Variants in ABCC1 observed in about 807,000 individuals in gnomAD.
ABCC1 encodes ATP binding cassette subfamily C member 1 (ABCC1 blood group).
In ABCC1, 83 loss-of-function variants were observed where a neutral mutation model predicts 172.9. The ratio of observed to expected loss-of-function variants is 0.48; its 90% CI spans 0.40 to 0.58. The LOEUF (loss-of-function observed/expected upper bound fraction) is 0.58. ABCC1 is among the 20% of genes least tolerant of loss of function. ABCC1 has a pLI of 0.00. For synonymous variants in ABCC1, 937 were observed against 825.2 expected (o/e 1.14, Z -2.32); for missense variants, 1,817 against 2,002.7 (o/e 0.91, Z 1.77).
chr16:15,961,903 T>A (rs893335247), intron 1 of ABCC1, among the ~76,000 whole-genome samples: 1 of 152,160 alleles, frequency 6.6e-6, no homozygotes. Context: ...TGATAAGCAG[T>A]GCTGCACTGA....
At chr16:15,988,130 C>A (rs889782196) in intron 1 of ABCC1, among the ~76,000 whole-genome samples, 14 of 152,090 alleles carry the variant, frequency 9.2e-5, no homozygotes, top group Non-Finnish European at 2.9e-5. Flanking sequence ...GTTGGCCAGG[C>A]TGGTCTTGAA....
intron 1 of ABCC1, among the ~76,000 whole-genome samples, chr16:15,967,666 C>T (rs551051354): frequency 8.0e-5 from 12 of 149,238 alleles, no homozygotes; most frequent in East Asian, 8.0e-4. Flanking sequence ...GAGGCTGAGG[C>T]GGGAGGTTTG....
chr16:15,988,426 G>C (rs1471680994), intron 1 of ABCC1, among the ~76,000 whole-genome samples: 1 of 152,122 alleles, frequency 6.6e-6, no homozygotes, highest in Non-Finnish European at 1.5e-5. Context: ...GATGAATGCT[G>C]TCTGTCCTGT....
At chr16:16,067,355 C>T (rs374737599) in intron 12 of ABCC1, among the ~76,000 whole-genome samples, 2 of 152,278 alleles carry the variant, frequency 1.3e-5, no homozygotes, top group South Asian at 2.1e-4. Context: ...TCTGGCTTCC[C>T]GTGGGACCGG....
At chr16:15,950,715 A>G (rs2045851285) in intron 1 of ABCC1, among the ~76,000 whole-genome samples, 1 of 152,006 alleles carries the variant, frequency 6.6e-6, no homozygotes, top group South Asian at 2.1e-4. Context: ...TGCTGTCTTG[A>G]TTGTTGGTGA....
chr16:16,056,618 A>C, intron 12 of ABCC1: 1 of 390,932 alleles, frequency 2.6e-6, no homozygotes, highest in South Asian at 2.5e-5. Context: ...GGAGTGGGCC[A>C]AGATCACGCC....
At chr16:16,102,947 C>T (rs1004176258) in intron 20 of ABCC1, among the ~76,000 whole-genome samples, 1 of 152,190 alleles carries the variant, frequency 6.6e-6, no homozygotes, top group Non-Finnish European at 1.5e-5. Flanking sequence ...ATGATTTAAC[C>T]AGCTGTCCAC....
At chr16:16,093,833 T>G (rs1343532015) in intron 19 of ABCC1, among the ~76,000 whole-genome samples, 1 of 151,914 alleles carries the variant, frequency 6.6e-6, no homozygotes, top group Non-Finnish European at 1.5e-5. Flanking sequence ...GGGGTGCAGG[T>G]GTTGGTATTT....
chr16:16,135,929 C>T (rs991157998), intron 28 of ABCC1, among the ~76,000 whole-genome samples: 4 of 152,138 alleles, frequency 2.6e-5, no homozygotes, highest in African/African-American at 9.6e-5. Context: ...TCTGGAGGTT[C>T]TCAACCCACT....
At chr16:16,016,149 G>GTTT (rs71137903) in intron 4 of ABCC1, among the ~76,000 whole-genome samples, 2,309 of 84,106 alleles carry the variant, frequency 0.027, 104 homozygotes, top group Non-Finnish European at 0.036. Context: ...TGTGATCTTG[G>GTTT]TTTTTTTTTT....
rs549306713 is a variant in ABCC1 at position 16,105,150 on chromosome 16, G to A, written c.2736-1588G>A. ...CCAAGGCCGAGGAGGCACAGAGAGC[G>A]AGCGAGGGCTGCGAGGGCTGCCAGC... On this transcript the variant is annotated intron_variant, in intron 20 of 30. Coordinates refer to ENST00000399410, the MANE Select transcript of ABCC1 (RefSeq NM_004996.4). Among the ~76,000 whole-genome samples, 12 of 152,348 alleles carry A rather than the reference G, an allele frequency of 7.9e-5. No homozygotes were observed. In the East Asian group the frequency reaches 1.2e-3, roughly 15 times the overall value.
rs45495896 is a variant in ABCC1 at position 16,086,057 on chromosome 16, AG to A, written c.2293-766del. Among the ~76,000 whole-genome samples, 1,297 of 152,290 alleles carry A rather than the reference AG, an allele frequency of 8.5e-3. 16 individuals are homozygous for A. Among genetic ancestry groups the A allele is most frequent in the African/African-American group, 0.029 (1,197 of 41,550 alleles). The stretch of plus-strand genomic sequence containing the variant: ...GCCAGACAGTGACAGATCCAGAGTA[AG>A]CTGGCAAACATGGCAGCTGTCACCA... On this transcript the variant is annotated intron_variant, in intron 17 of 30. Transcript: ENST00000399410.
chr16:16,020,339 C>T (rs1239560235), intron 5 of ABCC1, among the ~76,000 whole-genome samples: 3 of 152,196 alleles, frequency 2.0e-5, no homozygotes, highest in African/African-American at 7.2e-5. Flanking sequence ...GGCTGACACT[C>T]TCTGTCCAGG....
intron 1 of ABCC1, among the ~76,000 whole-genome samples, chr16:15,974,386 CAG>C (rs1491059367): frequency 2.2e-4 from 8 of 36,310 alleles, no homozygotes; most frequent in Admixed American, 1.1e-3. Context: ...CAATGATGCT[CAG>C]ACCCCCATTA....
At chr16:16,029,657 A>G (rs959509937) in intron 5 of ABCC1, among the ~76,000 whole-genome samples, 1 of 152,240 alleles carries the variant, frequency 6.6e-6, no homozygotes. Context: ...AAAATAACAG[A>G]GTTCCTGTTG....
intron 20 of ABCC1, chr16:16,106,504 C>T: frequency 4.4e-6 from 2 of 449,914 alleles, no homozygotes; most frequent in Non-Finnish European, 7.9e-6. Context: ...ATTGCGTTTC[C>T]CATGGGTCTC....
At chr16:16,023,774 G>C (rs961276510) in intron 5 of ABCC1, among the ~76,000 whole-genome samples, 1 of 152,150 alleles carries the variant, frequency 6.6e-6, no homozygotes, top group Non-Finnish European at 1.5e-5. Context: ...ATCCAGGGAG[G>C]AGAGGGGATG....
chr16:16,138,657 C>T, intron 30 of ABCC1, 99 bp downstream of exon 30: 1 of 949,468 alleles, frequency 1.1e-6, no homozygotes, highest in Non-Finnish European at 1.4e-6. Context: ...GTCCTTATCC[C>T]TAGTGACAGC....
At chr16:15,967,718 C>A (rs1054847414) in intron 1 of ABCC1, among the ~76,000 whole-genome samples, 5 of 148,990 alleles carry the variant, frequency 3.4e-5, no homozygotes, top group Non-Finnish European at 7.4e-5. Context: ...TATGATTGCA[C>A]CACTGCACTC....
Sources: gnomAD v4.1 joint callset for allele counts (sites outside exome capture counted in the v4.1 genomes callset) on GRCh38, gnomAD v4.1.1 for gene constraint, MANE v1.5 for transcripts, NCBI Gene and HGNC (gene_info 2026-07-23, HGNC 2026-07-21) for gene names.